The following ATP2B2 variants were observed in gnomAD, a reference collection of about 807,000 sequenced individuals.
The protein encoded by ATP2B2 is plasma membrane calcium-transporting ATPase 2.
ATP2B2 carries 15 observed loss-of-function variants against 120.0 expected under a neutral mutation model. The observed-to-expected ratio is 0.12, with a 90% CI of 0.08 to 0.19. The LOEUF is 0.19. ATP2B2 is among the 10% of genes least tolerant of loss of function. The pLI is 1.00. For synonymous variants in ATP2B2, 694 were observed against 700.3 expected (o/e 0.99, Z 0.14); for missense variants, 1,045 against 1,719.8 (o/e 0.61, Z 6.94).
intron 2 of ATP2B2, among the ~76,000 whole-genome samples, chr3:10,548,612 T>G (rs190727757): frequency 6.6e-6 from 1 of 152,300 alleles, no homozygotes; most frequent in African/African-American, 2.4e-5. Flanking sequence ...AGCTCCCAGA[T>G]CCAGGTGCCC....
At chr3:10,349,278 C>A (rs1218040348) in intron 16 of ATP2B2, among the ~76,000 whole-genome samples, 1 of 152,090 alleles carries the variant, frequency 6.6e-6, no homozygotes, top group Non-Finnish European at 1.5e-5. Flanking sequence ...TATAGTGAGA[C>A]CCTGTCTCTA....
At chr3:10,373,684 T>A (rs2061305934) in intron 11 of ATP2B2, among the ~76,000 whole-genome samples, 2 of 152,344 alleles carry the variant, frequency 1.3e-5, no homozygotes, top group East Asian at 3.9e-4. Context: ...CTTCACTGGT[T>A]TCTTTTTCCT....
At chr3:10,431,076 T>C (rs2063300893) in intron 2 of ATP2B2, among the ~76,000 whole-genome samples, 1 of 152,084 alleles carries the variant, frequency 6.6e-6, no homozygotes, top group Non-Finnish European at 1.5e-5. Flanking sequence ...AATCTTGTGA[T>C]CAAACTTGAA....
chr3:10,373,119 G>T (rs78027743), intron 11 of ATP2B2, among the ~76,000 whole-genome samples: 5,040 of 152,280 alleles, frequency 0.033, 101 homozygotes, highest in South Asian at 0.064. Flanking sequence ...ATAAACGCAC[G>T]TTGAATGATC....
At chr3:10,599,168 C>A (rs1468538331) in intron 2 of ATP2B2, among the ~76,000 whole-genome samples, 4 of 152,242 alleles carry the variant, frequency 2.6e-5, no homozygotes, top group African/African-American at 9.6e-5. Context: ...GCTCAGGCAG[C>A]TCCCTGCCCC....
At chr3:10,482,863 C>A (rs1182225937) in intron 1 of ATP2B2, among the ~76,000 whole-genome samples, 1 of 152,256 alleles carries the variant, frequency 6.6e-6, no homozygotes, top group Non-Finnish European at 1.5e-5. Context: ...GTTGAACATG[C>A]CTGTGCATGA....
At chr3:10,420,995 G>A (rs749724013) in intron 2 of ATP2B2, among the ~76,000 whole-genome samples, 6 of 152,198 alleles carry the variant, frequency 3.9e-5, no homozygotes, top group African/African-American at 1.4e-4. Context: ...AGTGGTCCCT[G>A]GAGCGGCGGC....
chr3:10,505,261 G>C (rs1029444767), intron 1 of ATP2B2, among the ~76,000 whole-genome samples: 1 of 152,054 alleles, frequency 6.6e-6, no homozygotes, highest in Non-Finnish European at 1.5e-5. Flanking sequence ...TCCCTCAGCG[G>C]CGGCTCCCAG....
At chr3:10,655,656 C>A (rs9834717) in intron 1 of ATP2B2, among the ~76,000 whole-genome samples, 1 of 151,894 alleles carries the variant, frequency 6.6e-6, no homozygotes, top group Non-Finnish European at 1.5e-5. Flanking sequence ...GCCCCATGTC[C>A]CTGGACTTAC....
Position 10,342,272 on chromosome 3 carries a change from G to A in ATP2B2, c.2917+480C>T, listed in dbSNP as rs1464913905. Reference sequence around the variant, plus strand: ...GCAAATGTGCTTGCCTCACTGAGTGGAAGACCCAACCAGGCAGCCCAAGTG... The same window carrying A: ...GCAAATGTGCTTGCCTCACTGAGTGAAAGACCCAACCAGGCAGCCCAAGTG... On this transcript the variant is annotated intron_variant, in intron 19 of 22. Coordinates refer to ENST00000360273, the MANE Select transcript of ATP2B2 (RefSeq NM_001001331.4). The surrounding 1 kb of genome is among the most constrained non-coding windows in gnomAD (Gnocchi z 4.4). 6.6e-6 allele frequency among the ~76,000 whole-genome samples: 1 copy of A among 152,226 alleles called. No homozygotes were observed. The highest frequency in any genetic ancestry group is 1.5e-5 in the Non-Finnish European group (1 of 68,046).
chr3:10,448,015 C>T (rs1361054496), intron 2 of ATP2B2, among the ~76,000 whole-genome samples: 1 of 152,228 alleles, frequency 6.6e-6, no homozygotes, highest in Non-Finnish European at 1.5e-5. Context: ...CAGCTGGGAG[C>T]TGCTGGGTGT....
At chr3:10,639,468 G>C (rs1324794010) in intron 1 of ATP2B2, among the ~76,000 whole-genome samples, 1 of 152,194 alleles carries the variant, frequency 6.6e-6, no homozygotes, top group East Asian at 1.9e-4. Flanking sequence ...AATGGTGGGA[G>C]AGACTGGCTG....
chr3:10,673,537 C>T (rs1490959399), intron 1 of ATP2B2, among the ~76,000 whole-genome samples: 1 of 151,860 alleles, frequency 6.6e-6, no homozygotes, highest in East Asian at 1.9e-4. Context: ...TGGTGGTGCA[C>T]ACCTGTAATC....
intron 1 of ATP2B2, among the ~76,000 whole-genome samples, chr3:10,471,721 T>C (rs185741979): frequency 5.9e-5 from 9 of 152,288 alleles, no homozygotes; most frequent in Admixed American, 1.3e-4. Flanking sequence ...ATTGTGTGTG[T>C]CTGTATACAT....
chr3:10,407,759 C>T (rs985612837), intron 3 of ATP2B2, among the ~76,000 whole-genome samples: 2 of 152,208 alleles, frequency 1.3e-5, no homozygotes, highest in Admixed American at 6.5e-5. Flanking sequence ...TTCCAGAAAC[C>T]AGGAGCGATC....
At chr3:10,619,816 T>C (rs1447719492) in intron 2 of ATP2B2, 1 of 151,954 alleles carries the variant, frequency 6.6e-6, no homozygotes, top group Non-Finnish European at 1.5e-5. Context: ...AAACTGGGCG[T>C]TTCTAAATCA....
intron 2 of ATP2B2, among the ~76,000 whole-genome samples, chr3:10,537,347 A>G (rs1252344776): frequency 6.6e-6 from 1 of 152,166 alleles, no homozygotes; most frequent in East Asian, 1.9e-4. Flanking sequence ...CTCTTCATTT[A>G]TTTAGGCTTT....
chr3:10,390,504 G>GTGTGTGCGTGCATGCTTT (rs2061816139), intron 5 of ATP2B2, among the ~76,000 whole-genome samples: 2 of 71,368 alleles, frequency 2.8e-5, no homozygotes, highest in African/African-American at 3.9e-5. Context: ...GCTTTTGTGT[G>GTGTGTGCGTGCATGCTTT]TGTGTGTGTG....
intron 1 of ATP2B2, among the ~76,000 whole-genome samples, chr3:10,676,317 G>T (rs942691760): frequency 6.6e-6 from 1 of 152,162 alleles, no homozygotes; most frequent in Non-Finnish European, 1.5e-5. Context: ...CTCCTGACAG[G>T]GATGGGGTGC....
Sources: gnomAD v4.1 joint callset for allele counts (sites outside exome capture counted in the v4.1 genomes callset) on GRCh38, gnomAD v4.1.1 for gene constraint, Gnocchi (gnomAD v3.1) non-coding constraint, MANE v1.5 for transcripts, NCBI Gene and HGNC (gene_info 2026-07-23, HGNC 2026-07-21) for gene names.